PDE6A: variants seen among roughly 807,000 people sequenced by gnomAD.
PDE6A encodes the protein rod cGMP-specific 3',5'-cyclic phosphodiesterase subunit alpha.
In PDE6A, 84 loss-of-function variants were observed where a neutral mutation model predicts 106.3. That is an observed-to-expected ratio of 0.79 (90% CI 0.66 to 0.95). PDE6A has a LOEUF of 0.95. Among genes scored for constraint, PDE6A ranks in the 40% least tolerant of loss-of-function variants. PDE6A has a pLI of 0.00. For missense variants in PDE6A, 1,052 were observed against 1,084.9 expected (o/e 0.97, Z 0.43); for synonymous variants, 394 against 386.6 (o/e 1.02, Z -0.23).
At chr5:149,937,456 C>T (rs1332960147) in intron 1 of PDE6A, among the ~76,000 whole-genome samples, 2 of 152,154 alleles carry the variant, frequency 1.3e-5, no homozygotes, top group African/African-American at 2.4e-5. Flanking sequence ...TGGCTCACTG[C>T]AGCCTCGACC....
At position 149,895,226 on chromosome 5, in the gene PDE6A, C is replaced by T. The variant is rs373537826; in HGVS notation, c.1685G>A (p.Arg562Gln). The T allele has an allele frequency of 2.2e-5, 36 of 1,614,034 alleles. No homozygotes were observed. Among genetic ancestry groups the T allele is most frequent in the South Asian group, 7.7e-5 (7 of 91,088 alleles). ...GYRKITYHNWRHGFNVGQTMF... is the reference protein window; with the variant it reads ...GYRKITYHNWQHGFNVGQTMF... Reference sequence around the variant, plus strand: ...GGTCTGCCCCACGTTGAAGCCGTGCCGCCAGTTGTGGTAGGTGATCTTGCG... The same window carrying T: ...GGTCTGCCCCACGTTGAAGCCGTGCTGCCAGTTGTGGTAGGTGATCTTGCG... The change falls in exon 13 of 22, where the codon CGG (arginine) becomes CAG (glutamine). Residue 562 changes from arginine (R) to glutamine (Q), a missense_variant. Coordinates refer to ENST00000255266, the MANE Select transcript of PDE6A (RefSeq NM_000440.3).
intron 7 of PDE6A, among the ~76,000 whole-genome samples, chr5:149,906,540 C>CAAAAAAAAAAAAAAAAAAAAA (rs1753197035): frequency 2.4e-5 from 1 of 41,550 alleles, no homozygotes. Context: ...AAAAAAAAAT[C>CAAAAAAAAAAAAAAAAAAAAA]CCACCTTTTA....
Position 149,889,437 on chromosome 5 carries a change from T to A in PDE6A, c.1729-3063A>T, listed in dbSNP as rs1212891590. 3.3e-5 allele frequency among the ~76,000 whole-genome samples: 5 copies of A among 151,942 alleles called. No individual in the cohort carries two copies. The East Asian group carries it at 7.7e-4, about 23-fold the overall frequency. On this transcript the variant is annotated intron_variant, in intron 13 of 21. Coordinates refer to ENST00000255266, the MANE Select transcript of PDE6A (RefSeq NM_000440.3). ...TGTATTTTTATTTATTTATTTATTA[T>A]TTATCTTATTTTATTTTTGTTTTGA...
chr5:149,876,478 C>T (rs1349183496), intron 17 of PDE6A, among the ~76,000 whole-genome samples: 1 of 151,446 alleles, frequency 6.6e-6, no homozygotes, highest in Non-Finnish European at 1.5e-5. Flanking sequence ...ACTTCGGCCT[C>T]CCAAGTAGCG....
At chr5:149,866,362 C>A in intron 19 of PDE6A, 109 bp from the exon 20 acceptor site, 1 of 802,696 alleles carries the variant, frequency 1.2e-6, no homozygotes. Context: ...GTTTCCAGAC[C>A]TGATGAGCAT....
At chr5:149,910,791 A>G (rs772927362) in intron 6 of PDE6A, among the ~76,000 whole-genome samples, 5 of 151,826 alleles carry the variant, frequency 3.3e-5, no homozygotes, top group Admixed American at 6.6e-5. Flanking sequence ...GTTCCAAGTC[A>G]CCAAACACTA....
intron 5 of PDE6A, among the ~76,000 whole-genome samples, chr5:149,920,360 C>T (rs1332398975): frequency 6.6e-6 from 1 of 152,130 alleles, no homozygotes; most frequent in African/African-American, 2.4e-5. Context: ...GTGGGCGGAT[C>T]ACCTGAGGTC....
intron 6 of PDE6A, 22 bp downstream of exon 6, chr5:149,914,921 T>C (rs1364902228): frequency 6.5e-7 from 1 of 1,548,162 alleles, no homozygotes. Context: ...TGTCATTTTG[T>C]CTTTTGACAG....
At chr5:149,881,104 C>G (rs1194244731) in intron 17 of PDE6A, among the ~76,000 whole-genome samples, 1 of 152,070 alleles carries the variant, frequency 6.6e-6, no homozygotes, top group African/African-American at 2.4e-5. Context: ...ATAACAGATG[C>G]TGGTAAGGCT....
At chr5:149,867,647 C>T (rs571379736) in intron 19 of PDE6A, 78 bp downstream of exon 19, 24 of 1,248,824 alleles carry the variant, frequency 1.9e-5, no homozygotes, top group African/African-American at 4.4e-5. Context: ...ACACATCTCT[C>T]CATCATGGCG....
chr5:149,892,782 G>C (rs978807791), intron 13 of PDE6A, among the ~76,000 whole-genome samples: 2 of 151,388 alleles, frequency 1.3e-5, no homozygotes, highest in African/African-American at 4.9e-5. Context: ...CACCCAGCCT[G>C]TATAAAATTT....
intron 5 of PDE6A, among the ~76,000 whole-genome samples, chr5:149,920,052 G>A (rs1407942756): frequency 6.6e-6 from 1 of 152,130 alleles, no homozygotes; most frequent in African/African-American, 2.4e-5. Flanking sequence ...TTTAGGCCAG[G>A]TGCGGTGGCT....
rs1024987550 is a variant in PDE6A at position 149,863,490 on chromosome 5, C to T, written c.2359-224G>A. Reference sequence around the variant, plus strand: ...CCTGTCCTTCAGCATGAAGTGAAAACCCCTTACTATGGCTTTCAAACTCCA... The same window carrying T: ...CCTGTCCTTCAGCATGAAGTGAAAATCCCTTACTATGGCTTTCAAACTCCA... On this transcript the variant is annotated intron_variant, in intron 20 of 21. Coordinates refer to ENST00000255266, the MANE Select transcript of PDE6A (RefSeq NM_000440.3). This position sits in a 1 kb window ranked among gnomAD's most constrained non-coding sequence, Gnocchi z 4.7. Among the ~76,000 whole-genome samples, 2 of 152,200 alleles carry T rather than the reference C, an allele frequency of 1.3e-5. No homozygotes were observed. The highest frequency in any genetic ancestry group is 2.9e-5 in the Non-Finnish European group (2 of 68,032).
intron 17 of PDE6A, among the ~76,000 whole-genome samples, chr5:149,871,582 A>G (rs1760554149): frequency 6.6e-6 from 1 of 152,212 alleles, no homozygotes; most frequent in Non-Finnish European, 1.5e-5. Context: ...GCCCTGCACA[A>G]AGAGCTTAAA....
chr5:149,922,296 A>AATT (rs142378973), intron 4 of PDE6A, among the ~76,000 whole-genome samples: 17,001 of 148,800 alleles, frequency 0.11, 1,060 homozygotes, highest in South Asian at 0.17. Context: ...ATTTACAACA[A>AATT]ATTATTATTA....
chr5:149,942,960 A>G (rs1288903775), intron 1 of PDE6A, among the ~76,000 whole-genome samples: 1 of 150,996 alleles, frequency 6.6e-6, no homozygotes, highest in South Asian at 2.1e-4. Flanking sequence ...TCCCAGGGAC[A>G]AGCAGGAGAC....
At chr5:149,869,415 TCCC>T (rs1760454637) in intron 17 of PDE6A, among the ~76,000 whole-genome samples, 3 of 151,294 alleles carry the variant, frequency 2.0e-5, no homozygotes, top group Admixed American at 2.0e-4. Flanking sequence ...TAAGGGAGTG[TCCC>T]ACTCATAGAA....
chr5:149,931,223 C>G, intron 3 of PDE6A, 55 bp from the exon 4 acceptor site: 1 of 1,538,666 alleles, frequency 6.5e-7, no homozygotes. Context: ...TAGTAGCTCA[C>G]TTAGCTGGAG....
intron 8 of PDE6A, among the ~76,000 whole-genome samples, chr5:149,901,544 A>AAAAC (rs1032792878): frequency 3.3e-5 from 5 of 152,150 alleles, no homozygotes; most frequent in Non-Finnish European, 5.9e-5. Context: ...AACAAAAACA[A>AAAAC]AAACAAACAA....
Sources: allele counts gnomAD v4.1 joint callset (sites outside exome capture counted in the v4.1 genomes callset), GRCh38; gene constraint gnomAD v4.1.1; non-coding constraint Gnocchi (gnomAD v3.1); transcripts MANE v1.5; gene names NCBI Gene and HGNC (gene_info 2026-07-23, HGNC 2026-07-21).